ME3: variants seen among roughly 807,000 people sequenced by gnomAD.
The protein encoded by ME3 is NADP-dependent malic enzyme, mitochondrial.
In ME3, 48 loss-of-function variants were observed where a neutral mutation model predicts 68.9. That is an observed-to-expected ratio of 0.70 (90% CI 0.55 to 0.89). ME3 has a LOEUF of 0.89. Among genes scored for constraint, ME3 ranks in the 40% least tolerant of loss-of-function variants. The pLI is 0.00. For missense variants in ME3, 675 were observed against 797.4 expected (o/e 0.85, Z 1.85); for synonymous variants, 320 against 318.8 (o/e 1.00, Z -0.04).
At chr11:86,644,095 G>A (rs1944844818) in intron 2 of ME3, among the ~76,000 whole-genome samples, 1 of 152,178 alleles carries the variant, frequency 6.6e-6, no homozygotes, top group African/African-American at 2.4e-5. Flanking sequence ...ACTGTGAGGG[G>A]TGTGGAGGGC....
chr11:86,609,548 A>C (rs1300922552), intron 2 of ME3, among the ~76,000 whole-genome samples: 1 of 152,170 alleles, frequency 6.6e-6, no homozygotes, highest in Non-Finnish European at 1.5e-5. Flanking sequence ...ACAATCTGCT[A>C]TGAATCATAA....
chr11:86,513,833 TC>T (rs1418534863), intron 4 of ME3, among the ~76,000 whole-genome samples: 1 of 151,890 alleles, frequency 6.6e-6, no homozygotes, highest in Non-Finnish European at 1.5e-5. Flanking sequence ...TTCAATGACC[TC>T]AGCAATGTAT....
chr11:86,645,464 G>A (rs1426503314), intron 2 of ME3, among the ~76,000 whole-genome samples: 1 of 152,154 alleles, frequency 6.6e-6, no homozygotes, highest in Non-Finnish European at 1.5e-5. Context: ...GGACTGTGCG[G>A]AGCCCACTGC....
chr11:86,584,788 G>C (rs1958636563), intron 2 of ME3, among the ~76,000 whole-genome samples: 1 of 152,182 alleles, frequency 6.6e-6, no homozygotes. Context: ...CCAGGGATTA[G>C]AGGTAGGAGG....
intron 2 of ME3, among the ~76,000 whole-genome samples, chr11:86,560,746 GTGTATA>G (rs370080245): frequency 0.33 from 29,700 of 90,150 alleles, 4,659 homozygotes; most frequent in Non-Finnish European, 0.4. Flanking sequence ...GTGTGTGTGT[GTGTATA>G]TATATATATA....
At chr11:86,485,398 A>G (rs1951627040) in intron 7 of ME3, among the ~76,000 whole-genome samples, 1 of 152,202 alleles carries the variant, frequency 6.6e-6, no homozygotes, top group Non-Finnish European at 1.5e-5. Flanking sequence ...GATTTCTGAA[A>G]TGGAGATAAT....
intron 2 of ME3, among the ~76,000 whole-genome samples, chr11:86,569,802 C>G (rs1482413815): frequency 6.6e-6 from 1 of 152,118 alleles, no homozygotes; most frequent in Non-Finnish European, 1.5e-5. Flanking sequence ...AGTAACTTGC[C>G]CAAGGTCACA....
At chr11:86,507,963 T>G (rs560509823) in intron 5 of ME3, among the ~76,000 whole-genome samples, 48 of 131,906 alleles carry the variant, frequency 3.6e-4, no homozygotes, top group Admixed American at 2.2e-3. Context: ...GACGACAGAG[T>G]GAGACTCTGT....
chr11:86,478,846 A>G (rs1473355320), intron 7 of ME3, among the ~76,000 whole-genome samples: 1 of 152,174 alleles, frequency 6.6e-6, no homozygotes, highest in African/African-American at 2.4e-5. Context: ...AGCTTGGTTT[A>G]AAAACCACTG....
intron 2 of ME3, among the ~76,000 whole-genome samples, chr11:86,595,549 G>C (rs1234743002): frequency 1.3e-5 from 2 of 152,110 alleles, no homozygotes; most frequent in Non-Finnish European, 2.9e-5. Flanking sequence ...CAATCAGATC[G>C]AGTAAGCGCG....
intron 2 of ME3, among the ~76,000 whole-genome samples, chr11:86,640,409 G>A (rs1944596153): frequency 6.6e-6 from 1 of 152,220 alleles, no homozygotes; most frequent in Non-Finnish European, 1.5e-5. Context: ...TAGCTGCACA[G>A]GGTGACTATC....
chr11:86,457,859 A>C (rs969976463), intron 8 of ME3: 1 of 1,154,818 alleles, frequency 8.7e-7, no homozygotes, highest in Non-Finnish European at 1.1e-6. Flanking sequence ...GCTTCAGGAA[A>C]TAGCACAAAA....
rs561655208 is a variant in ME3 at position 86,551,835 on chromosome 11, A to G, written c.467+4718T>C. On this transcript the variant is annotated intron_variant, in intron 4 of 14. Coordinates refer to ENST00000543262, the Ensembl canonical transcript of ME3. Reference sequence around the variant, plus strand: ...GCTTTGTCCAAATACATCTTCAGGTACTTTCCACAGAGCTTCCGACTACAT... The same window carrying G: ...GCTTTGTCCAAATACATCTTCAGGTGCTTTCCACAGAGCTTCCGACTACAT... 2.6e-5 allele frequency among the ~76,000 whole-genome samples: 4 copies of G among 152,334 alleles called. No homozygotes were observed. The South Asian group carries it at 8.3e-4, about 32-fold the overall frequency.
At chr11:86,645,400 T>G (rs503195) in intron 2 of ME3, among the ~76,000 whole-genome samples, 152,012 of 152,272 alleles carry the variant, frequency 1, 75,879 homozygotes, top group Non-Finnish European at 1. Context: ...CCATTTCTGA[T>G]GCTTGAGTAG....
chr11:86,604,383 G>C (rs1383094493), intron 2 of ME3, among the ~76,000 whole-genome samples: 1 of 152,054 alleles, frequency 6.6e-6, no homozygotes, highest in Non-Finnish European at 1.5e-5. Context: ...GATGGTTGTG[G>C]GGTGAGGTGG....
intron 4 of ME3, among the ~76,000 whole-genome samples, chr11:86,519,530 G>A (rs1230374427): frequency 6.6e-6 from 1 of 152,192 alleles, no homozygotes; most frequent in African/African-American, 2.4e-5. Flanking sequence ...CAGCAATAAA[G>A]GGCTTAATTA....
chr11:86,586,451 C>T (rs1224530444), intron 2 of ME3, among the ~76,000 whole-genome samples: 1 of 152,090 alleles, frequency 6.6e-6, no homozygotes. Context: ...ATGCCGAGGT[C>T]CAGGGTGTGA....
chr11:86,672,002 G>A (rs911673121), intron 1 of ME3, 44 bp from the exon 2 acceptor site: 2 of 1,331,194 alleles, frequency 1.5e-6, no homozygotes, highest in African/African-American at 1.6e-5. Flanking sequence ...CTTCCAGCCA[G>A]CCAGGACCCA....
intron 6 of ME3, 63 bp from the exon 7 acceptor site, chr11:86,487,503 A>G (rs1038466476): frequency 3.8e-5 from 50 of 1,306,736 alleles, no homozygotes; most frequent in Non-Finnish European, 5.5e-5. Flanking sequence ...TTTTTTTCCA[A>G]CAAGTATCCA....
Sources: gnomAD v4.1 joint callset for allele counts (sites outside exome capture counted in the v4.1 genomes callset) on GRCh38, gnomAD v4.1.1 for gene constraint, MANE v1.5 for transcripts, NCBI Gene and HGNC (gene_info 2026-07-23, HGNC 2026-07-21) for gene names.